PLXDC2: variants seen among roughly 807,000 people sequenced by gnomAD.
PLXDC2 encodes the protein plexin domain containing 2.
In PLXDC2, 40 loss-of-function variants were observed where a neutral mutation model predicts 68.9. The observed-to-expected ratio is 0.58, with a 90% CI of 0.45 to 0.76. The LOEUF is 0.76. Ranked by LOEUF, PLXDC2 falls within the 30% of genes least tolerant of loss-of-function variation. PLXDC2 has a pLI of 0.00. For missense variants in PLXDC2, 644 were observed against 661.9 expected, an observed-to-expected ratio of 0.97 and a Z score of 0.30; for synonymous variants, 243 against 234.2, an observed-to-expected ratio of 1.04 and a Z score of -0.34.
chr10:19,981,893 G>C (rs748994918), intron 1 of PLXDC2, among the ~76,000 whole-genome samples: 1 of 152,154 alleles, frequency 6.6e-6, no homozygotes, highest in Admixed American at 6.5e-5. Flanking sequence ...TGCTAGTCCC[G>C]ATTCATTGTA....
chr10:19,994,901 C>T (rs1834816941), intron 1 of PLXDC2, among the ~76,000 whole-genome samples: 1 of 152,002 alleles, frequency 6.6e-6, no homozygotes. Flanking sequence ...CACCACCACG[C>T]CTGGCTAATT....
intron 12 of PLXDC2, among the ~76,000 whole-genome samples, chr10:20,224,055 A>G (rs1375536328): frequency 3.3e-5 from 5 of 150,388 alleles, no homozygotes; most frequent in Non-Finnish European, 7.4e-5. Flanking sequence ...GCTCACTGCA[A>G]CCTCCACCTT....
intron 12 of PLXDC2, among the ~76,000 whole-genome samples, chr10:20,229,629 G>C (rs1405843065): frequency 6.6e-6 from 1 of 151,742 alleles, no homozygotes. Flanking sequence ...CCATTAGATG[G>C]TAAATTTAGT....
At chr10:20,046,517 C>A (rs1317677427) in intron 2 of PLXDC2, among the ~76,000 whole-genome samples, 1 of 151,904 alleles carries the variant, frequency 6.6e-6, no homozygotes, top group Non-Finnish European at 1.5e-5. Flanking sequence ...ACATATATAT[C>A]TCGATTGATG....
rs111365820 is a variant in PLXDC2 at position 20,222,947 on chromosome 10, G to C, written c.1312+3845G>C. ...TTAGAGTAATACGTAGGTATAATCAGATAGTTTATCTGTCTCTTGTTTATG... is the reference window on the plus strand; with the variant it reads ...TTAGAGTAATACGTAGGTATAATCACATAGTTTATCTGTCTCTTGTTTATG... On this transcript the variant is annotated intron_variant, in intron 12 of 13. Transcript: ENST00000377252. Among the ~76,000 whole-genome samples, 123 of 152,298 alleles carry C rather than the reference G, an allele frequency of 8.1e-4. 2 individuals are homozygous for C. The highest frequency in any genetic ancestry group is 1.7e-3 in the South Asian group (8 of 4,826).
At chr10:20,164,654 TA>T (rs372373417) in intron 7 of PLXDC2, 87 bp downstream of exon 7, 16,346 of 839,524 alleles carry the variant, frequency 0.019, 36 homozygotes, top group South Asian at 0.031. Context: ...GTACCTGAAT[TA>T]AAAAAAAAAT....
chr10:20,085,755 A>T (rs4333913), intron 4 of PLXDC2, among the ~76,000 whole-genome samples: 1 of 152,042 alleles, frequency 6.6e-6, no homozygotes, highest in Non-Finnish European at 1.5e-5. Flanking sequence ...CTCCCTCAAG[A>T]TGATTCTCTT....
chr10:20,080,537 G>A (rs1254133399), intron 4 of PLXDC2, among the ~76,000 whole-genome samples: 1 of 152,154 alleles, frequency 6.6e-6, no homozygotes, highest in Non-Finnish European at 1.5e-5. Flanking sequence ...TTCGAGGGCA[G>A]GAAACATCCA....
At chr10:20,055,469 T>C (rs1835981500) in intron 3 of PLXDC2, among the ~76,000 whole-genome samples, 2 of 152,196 alleles carry the variant, frequency 1.3e-5, no homozygotes, top group Admixed American at 6.6e-5. Flanking sequence ...AATGATTAAA[T>C]TGAAAGGCAG....
chr10:19,925,999 A>T (rs1006129964), intron 1 of PLXDC2, among the ~76,000 whole-genome samples: 1 of 152,192 alleles, frequency 6.6e-6, no homozygotes, highest in African/African-American at 2.4e-5. Context: ...ATCCACATGG[A>T]GGCATTAGGC....
chr10:20,012,712 ACT>A (rs1042618164), intron 2 of PLXDC2, among the ~76,000 whole-genome samples: 6 of 151,942 alleles, frequency 3.9e-5, no homozygotes, highest in African/African-American at 1.5e-4. Flanking sequence ...CTAACATGTC[ACT>A]CTATGAACTA....
intron 1 of PLXDC2, among the ~76,000 whole-genome samples, chr10:19,882,434 T>C (rs1214562094): frequency 2.0e-5 from 3 of 152,114 alleles, no homozygotes; most frequent in Non-Finnish European, 4.4e-5. Flanking sequence ...TTTAGGTTAA[T>C]AATGGAAAAG....
intron 1 of PLXDC2, among the ~76,000 whole-genome samples, chr10:19,880,918 A>G (rs1837714484): frequency 6.6e-6 from 1 of 152,208 alleles, no homozygotes; most frequent in Admixed American, 6.5e-5. Flanking sequence ...CTTATCAATT[A>G]TCTCATTTTA....
intron 6 of PLXDC2, among the ~76,000 whole-genome samples, chr10:20,157,068 T>G (rs150619011): frequency 2.3e-4 from 35 of 152,338 alleles, no homozygotes; most frequent in Non-Finnish European, 4.6e-4. Context: ...TACAGGTTGT[T>G]GTTTTGATAA....
At chr10:20,022,038 T>G (rs185287276) in intron 2 of PLXDC2, among the ~76,000 whole-genome samples, 1 of 152,314 alleles carries the variant, frequency 6.6e-6, no homozygotes, top group Non-Finnish European at 1.5e-5. Flanking sequence ...TGTTGAACTT[T>G]CAATTGTACT....
At chr10:20,172,846 A>G (rs1477613552) in intron 7 of PLXDC2, among the ~76,000 whole-genome samples, 1 of 152,220 alleles carries the variant, frequency 6.6e-6, no homozygotes, top group African/African-American at 2.4e-5. Flanking sequence ...TGTTGACAGG[A>G]AAATCTAAAA....
At chr10:20,169,584 G>A (rs1430585359) in intron 7 of PLXDC2, among the ~76,000 whole-genome samples, 2 of 152,070 alleles carry the variant, frequency 1.3e-5, no homozygotes, top group Non-Finnish European at 2.9e-5. Context: ...CTCCTCCAAT[G>A]TAACATTTTG....
rs141137950 is a variant in PLXDC2, at chr10:20,267,936, C to A, written c.1474-11767C>A. The stretch of plus-strand genomic sequence containing the variant: ...TCATTACCATGGTTATCAGCACTTC[C>A]TTATCACAGGATGAATGCAGTCCAC... On this transcript the variant is annotated intron_variant, in intron 13 of 13. Coordinates refer to ENST00000377252, the MANE Select transcript of PLXDC2 (RefSeq NM_032812.9). Among the ~76,000 whole-genome samples, 4 of 151,818 alleles carry A rather than the reference C, an allele frequency of 2.6e-5. No individual in the cohort carries two copies. The East Asian group carries it at 7.7e-4, about 29-fold the overall frequency.
chr10:20,053,444 A>G (rs1178751610), intron 3 of PLXDC2, among the ~76,000 whole-genome samples: 1 of 152,108 alleles, frequency 6.6e-6, no homozygotes, highest in Non-Finnish European at 1.5e-5. Context: ...TCTCACAGTT[A>G]TCTGGGTATT....
Sources: allele counts gnomAD v4.1 joint callset (sites outside exome capture counted in the v4.1 genomes callset), GRCh38; gene constraint gnomAD v4.1.1; transcripts MANE v1.5; gene names NCBI Gene and HGNC (gene_info 2026-07-23, HGNC 2026-07-21).